Variants in EIF3H observed in about 807,000 individuals in gnomAD.
EIF3H encodes the protein eIF-3-gamma.
EIF3H carries 26 observed loss-of-function variants against 44.2 expected under a neutral mutation model. That is an observed-to-expected ratio of 0.59 (90% CI 0.43 to 0.82). The LOEUF is 0.82. Ranked by LOEUF, EIF3H falls within the 40% of genes least tolerant of loss-of-function variation. The pLI, the probability that EIF3H is intolerant of heterozygous loss-of-function variation, is 0.00. For synonymous variants in EIF3H, 166 were observed against 151.9 expected, an observed-to-expected ratio of 1.09 and a Z score of -0.68; for missense variants, 359 against 432.8, an observed-to-expected ratio of 0.83 and a Z score of 1.51.
chr8:116,668,973 C>T lies in EIF3H; in HGVS notation c.290-9993G>A, dbSNP rs184826065. Among the ~76,000 whole-genome samples the T allele has an allele frequency of 9.2e-5, 14 of 152,166 alleles. No homozygotes were observed. In the East Asian group the frequency reaches 1.2e-3, roughly 13 times the overall value. ...TTAACTTGGCCTCCATGGAGTGTTA[C>T]GCAAGCTCCCCTTTTCTCATCTCCA... On this transcript the variant is annotated intron_variant, in intron 2 of 7. Transcript: ENST00000521861.
At chr8:116,678,318 G>A (rs531231545) in intron 2 of EIF3H, among the ~76,000 whole-genome samples, 271 of 151,864 alleles carry the variant, frequency 1.8e-3, no homozygotes, top group African/African-American at 5.1e-3. Flanking sequence ...AGGCTGGAGT[G>A]CAGTGGCGTG....
At chr8:116,674,319 G>T (rs1813809890) in intron 2 of EIF3H, among the ~76,000 whole-genome samples, 1 of 144,504 alleles carries the variant, frequency 6.9e-6, no homozygotes, top group African/African-American at 2.6e-5. Flanking sequence ...TGGGGGTGGA[G>T]GTGGGGGGGG....
intron 2 of EIF3H, among the ~76,000 whole-genome samples, chr8:116,719,252 G>T (rs1033376784): frequency 6.6e-6 from 1 of 152,062 alleles, no homozygotes; most frequent in Non-Finnish European, 1.5e-5. Flanking sequence ...CTTTAATTCT[G>T]AATAAAAGAC....
intron 5 of EIF3H, among the ~76,000 whole-genome samples, chr8:116,650,554 T>C (rs1428071983): frequency 6.6e-6 from 1 of 152,238 alleles, no homozygotes; most frequent in Non-Finnish European, 1.5e-5. Flanking sequence ...TACAGTAGAA[T>C]GTTATTTGGC....
chr8:116,691,801 G>A (rs570504255), intron 2 of EIF3H, among the ~76,000 whole-genome samples: 2 of 152,012 alleles, frequency 1.3e-5, no homozygotes, highest in Admixed American at 6.5e-5. Flanking sequence ...GAACCCAGGA[G>A]GCGGAGGATG....
At chr8:116,670,949 A>G (rs1209769210) in intron 2 of EIF3H, among the ~76,000 whole-genome samples, 2 of 152,230 alleles carry the variant, frequency 1.3e-5, no homozygotes, top group African/African-American at 4.8e-5. Flanking sequence ...AAGGTGAAAT[A>G]CAGTATATGA....
intron 1 of EIF3H, 35 bp from the exon 2 acceptor site, chr8:116,726,207 C>T: frequency 6.4e-7 from 1 of 1,569,914 alleles, no homozygotes; most frequent in East Asian, 2.3e-5. Context: ...AGCTTAACAA[C>T]CATCCTAGTT....
chr8:116,728,647 C>T (rs572595555), intron 1 of EIF3H, among the ~76,000 whole-genome samples: 1 of 152,116 alleles, frequency 6.6e-6, no homozygotes, highest in East Asian at 1.9e-4. Flanking sequence ...ATTGGCAGAC[C>T]TTCAATACTA....
intron 2 of EIF3H, among the ~76,000 whole-genome samples, chr8:116,667,396 T>C (rs1434676289): frequency 2.0e-5 from 3 of 147,950 alleles, no homozygotes; most frequent in Non-Finnish European, 4.4e-5. Flanking sequence ...TCTCAGTTTC[T>C]AATGTAAATC....
At position 116,653,348 on chromosome 8, in the gene EIF3H, AACAC is replaced by A. The variant is rs771922316; in HGVS notation, c.707+2504_707+2507del. ...GCTCTTCAGAAAAAAAACAATCAGA[AACAC>A]ACACACACACACACACACAATCTGT... is the stretch of plus-strand genomic sequence containing the variant. On this transcript the variant is annotated intron_variant, in intron 5 of 7. Coordinates refer to ENST00000521861, the MANE Select transcript of EIF3H (RefSeq NM_003756.3). 1.9e-3 allele frequency among the ~76,000 whole-genome samples: 275 copies of A among 144,674 alleles called. 1 individual carries two copies. The highest frequency in any genetic ancestry group is 6.8e-3 in the African/African-American group (258 of 38,026). 94.9% of individuals were successfully genotyped at this position (144,674 alleles called of 152,430 possible). A position where few individuals can be genotyped will look rare whatever the true frequency, so the allele number is the denominator to read the frequency against.
chr8:116,704,052 G>A (rs1206117152), intron 2 of EIF3H, among the ~76,000 whole-genome samples: 1 of 152,192 alleles, frequency 6.6e-6, no homozygotes, highest in Non-Finnish European at 1.5e-5. Flanking sequence ...TAAAGACTAA[G>A]AAGATAAAAA....
intron 2 of EIF3H, among the ~76,000 whole-genome samples, chr8:116,674,439 T>C (rs1181004479): frequency 6.6e-6 from 1 of 152,150 alleles, no homozygotes; most frequent in East Asian, 1.9e-4. Context: ...AGCTGCATTC[T>C]ATCATACGCA....
At chr8:116,697,066 A>T in intron 2 of EIF3H, 1 of 456,174 alleles carries the variant, frequency 2.2e-6, no homozygotes, top group South Asian at 1.5e-5. Context: ...TCCAGCTGGG[A>T]TCTCTCTCCT....
intron 2 of EIF3H, among the ~76,000 whole-genome samples, chr8:116,681,596 G>A (rs1813990167): frequency 6.6e-6 from 1 of 150,822 alleles, no homozygotes; most frequent in Admixed American, 6.6e-5. Context: ...AACCCGGGAG[G>A]TGGAGGTTGT....
intron 2 of EIF3H, among the ~76,000 whole-genome samples, chr8:116,721,052 G>GA (rs1170270372): frequency 6.6e-6 from 1 of 152,110 alleles, no homozygotes; most frequent in Non-Finnish European, 1.5e-5. Flanking sequence ...AAGACAATGG[G>GA]AAAAATGTCT....
intron 2 of EIF3H, among the ~76,000 whole-genome samples, chr8:116,675,617 T>A (rs2130826693): frequency 6.6e-6 from 1 of 152,352 alleles, no homozygotes; most frequent in South Asian, 2.1e-4. Flanking sequence ...TGTTTAAATG[T>A]CAAATTTATT....
chr8:116,702,644 G>C (rs1265973433), intron 2 of EIF3H, among the ~76,000 whole-genome samples: 2 of 152,014 alleles, frequency 1.3e-5, no homozygotes, highest in Admixed American at 1.3e-4. Context: ...CTGGTCATCA[G>C]AATTAATCTG....
At chr8:116,661,345 G>A (rs1027880480) in intron 2 of EIF3H, among the ~76,000 whole-genome samples, 3 of 152,168 alleles carry the variant, frequency 2.0e-5, no homozygotes, top group Non-Finnish European at 2.9e-5. Flanking sequence ...CTTATGCAAC[G>A]TATTAGTATA....
At chr8:116,716,416 T>C (rs891607674) in intron 2 of EIF3H, among the ~76,000 whole-genome samples, 3 of 152,114 alleles carry the variant, frequency 2.0e-5, no homozygotes, top group African/African-American at 7.2e-5. Context: ...TGATACTTCC[T>C]AGGTGTGCCA....
Sources: gnomAD v4.1 joint callset for allele counts (sites outside exome capture counted in the v4.1 genomes callset) on GRCh38, gnomAD v4.1.1 for gene constraint, MANE v1.5 for transcripts, NCBI Gene and HGNC (gene_info 2026-07-23, HGNC 2026-07-21) for gene names.